The following TNRC6B variants were observed in gnomAD, a reference collection of about 807,000 sequenced individuals.
The protein encoded by TNRC6B is trinucleotide repeat containing adaptor 6B.
In TNRC6B, 52 loss-of-function variants were observed where a neutral mutation model predicts 203.6. That is an observed-to-expected ratio of 0.26 (90% CI 0.20 to 0.32). The LOEUF (loss-of-function observed/expected upper bound fraction) is 0.32. TNRC6B is among the 10% of genes least tolerant of loss of function. The probability of loss-of-function intolerance (pLI) is 1.00; values close to 1 mark genes in which losing one functional copy is unlikely to be tolerated. For synonymous variants in TNRC6B, 838 were observed against 845.7 expected, an observed-to-expected ratio of 0.99 and a Z score of 0.16; for missense variants, 1,923 against 2,286.2, an observed-to-expected ratio of 0.84 and a Z score of 3.24.
chr22:40,175,350 C>G (rs2069045458), upstream of TNRC6B, among the ~76,000 whole-genome samples: 2 of 152,068 alleles, frequency 1.3e-5, no homozygotes, highest in African/African-American at 2.4e-5. Flanking sequence ...GAGCAAGACT[C>G]TGTCTCAAAA....
intron 5 of TNRC6B, among the ~76,000 whole-genome samples, chr22:40,268,641 G>T (rs532122665): frequency 2.0e-4 from 30 of 152,184 alleles, no homozygotes; most frequent in African/African-American, 7.2e-4. Context: ...GCCAGGCGCG[G>T]TGGCTCACGC....
At chr22:40,086,307 G>A (rs533521055) in intron 1 of TNRC6B, among the ~76,000 whole-genome samples, 52 of 152,294 alleles carry the variant, frequency 3.4e-4, no homozygotes, top group Admixed American at 3.3e-4. Context: ...CTCCAAAAGA[G>A]ACCAGTAAGG....
chr22:40,314,249 A>G (rs2071227070), intron 19 of TNRC6B, among the ~76,000 whole-genome samples: 1 of 152,172 alleles, frequency 6.6e-6, no homozygotes, highest in Admixed American at 6.5e-5. Context: ...CTCATGCATC[A>G]TTTAGTTACA....
chr22:40,139,322 C>T (rs1300050925), intron 3 of TNRC6B, among the ~76,000 whole-genome samples: 5 of 145,296 alleles, frequency 3.4e-5, no homozygotes, highest in African/African-American at 5.1e-5. Flanking sequence ...CATGGGTGTA[C>T]GCATTTTTTT....
chr22:40,275,816 G>C (rs187132100), intron 7 of TNRC6B, among the ~76,000 whole-genome samples: 2 of 152,074 alleles, frequency 1.3e-5, no homozygotes, highest in Non-Finnish European at 2.9e-5. Flanking sequence ...AAAATTAGCT[G>C]GGTGTGGTGG....
intron 1 of TNRC6B, among the ~76,000 whole-genome samples, chr22:40,072,940 G>A (rs1313913528): frequency 7.1e-6 from 1 of 140,102 alleles, no homozygotes; most frequent in Non-Finnish European, 1.5e-5. Context: ...TAGAACAAAA[G>A]ATCAGAAATC....
chr22:40,241,069 A>G (rs73165074), intron 1 of TNRC6B, among the ~76,000 whole-genome samples: 15 of 152,364 alleles, frequency 9.8e-5, no homozygotes, highest in South Asian at 2.1e-4. Flanking sequence ...GGAGATTTCT[A>G]TGTAATTGAC....
intron 15 of TNRC6B, 146 bp downstream of exon 15, chr22:40,301,479 CTG>C (rs1274210599): frequency 1.7e-5 from 15 of 898,684 alleles, no homozygotes; most frequent in Non-Finnish European, 2.5e-5. Flanking sequence ...GATGAGACAT[CTG>C]AGGCTTCTTG....
At chr22:40,282,313 A>T (rs1300452452) in intron 11 of TNRC6B, among the ~76,000 whole-genome samples, 4 of 152,212 alleles carry the variant, frequency 2.6e-5, no homozygotes, top group Non-Finnish European at 4.4e-5. Flanking sequence ...AGCACATTTT[A>T]AAAAATGGAT....
chr22:40,060,311 C>G (rs1265355367), intron 1 of TNRC6B, among the ~76,000 whole-genome samples: 1 of 151,932 alleles, frequency 6.6e-6, no homozygotes, highest in Non-Finnish European at 1.5e-5. Context: ...ACCTTCACTT[C>G]CTGAGTTCAG....
chr22:40,130,760 G>A (rs1199062735), intron 3 of TNRC6B, among the ~76,000 whole-genome samples: 1 of 132,520 alleles, frequency 7.5e-6, no homozygotes, highest in Non-Finnish European at 1.5e-5. Context: ...TCCAGCCTGG[G>A]CGACAGGGAG....
At chr22:40,069,689 G>A (rs1174639239) in intron 1 of TNRC6B, among the ~76,000 whole-genome samples, 1 of 151,902 alleles carries the variant, frequency 6.6e-6, no homozygotes, top group African/African-American at 2.4e-5. Flanking sequence ...GTTTCTCCAT[G>A]TTGGTCAGGC....
Position 40,250,431 on chromosome 22 carries a change from G to A in TNRC6B, c.94-748G>A, listed in dbSNP as rs186645667. ...GCCTTCTAGGTTAATCATTTCCATA[G>A]ACGTATTAGTTACTATATAAAGAAA... is the stretch of plus-strand genomic sequence containing the variant. On this transcript the variant is annotated intron_variant, in intron 2 of 22. Transcript: ENST00000454349. Among the ~76,000 whole-genome samples the A allele has an allele frequency of 3.6e-3, 547 of 152,074 alleles. 12 individuals are homozygous for A. The highest frequency in any genetic ancestry group is 9.3e-4 in the Non-Finnish European group (63 of 67,978).
At chr22:40,319,086 A>C (rs1297182837) in intron 21 of TNRC6B, among the ~76,000 whole-genome samples, 1 of 152,032 alleles carries the variant, frequency 6.6e-6, no homozygotes, top group Non-Finnish European at 1.5e-5. Context: ...AAAAAATGTT[A>C]ATTATACACA....
intron 12 of TNRC6B, among the ~76,000 whole-genome samples, chr22:40,297,483 G>A (rs1287948528): frequency 6.6e-6 from 1 of 152,130 alleles, no homozygotes; most frequent in Admixed American, 6.5e-5. Flanking sequence ...TATATGCCAT[G>A]CTCATAAAGA....
chr22:40,096,854 T>A (rs532947207), intron 1 of TNRC6B, among the ~76,000 whole-genome samples: 1 of 152,358 alleles, frequency 6.6e-6, no homozygotes, highest in East Asian at 1.9e-4. Flanking sequence ...ATTAATTTAT[T>A]TGAACAGCTT....
intron 1 of TNRC6B, among the ~76,000 whole-genome samples, chr22:40,206,661 C>T (rs1011948733): frequency 1.3e-5 from 2 of 152,024 alleles, no homozygotes; most frequent in African/African-American, 4.8e-5. Flanking sequence ...GATCCCTTGC[C>T]GTAAAGCTGT....
chr22:40,243,703 G>A (rs940161490), intron 1 of TNRC6B, among the ~76,000 whole-genome samples: 4 of 151,940 alleles, frequency 2.6e-5, no homozygotes, highest in Middle Eastern at 3.2e-3. Context: ...TCCCGCCTCC[G>A]CCTCCCAAGT....
At chr22:40,298,527 G>A in intron 12 of TNRC6B, among the ~76,000 whole-genome samples, 1 of 152,186 alleles carries the variant, frequency 6.6e-6, no homozygotes, top group East Asian at 1.9e-4. Flanking sequence ...GAACATTTAT[G>A]GAGGACATCT....
Sources: allele counts gnomAD v4.1 joint callset (sites outside exome capture counted in the v4.1 genomes callset), GRCh38; gene constraint gnomAD v4.1.1; transcripts MANE v1.5; gene names NCBI Gene and HGNC (gene_info 2026-07-23, HGNC 2026-07-21).